TAB2: variants seen among roughly 807,000 people sequenced by gnomAD.
TAB2 encodes TGF-beta activated kinase 1 (MAP3K7) binding protein 2, also known as TGF-beta-activated kinase 1 and MAP3K7-binding protein 2.
In TAB2, 3 loss-of-function variants were observed where a neutral mutation model predicts 65.0. The observed-to-expected ratio is 0.05, with a 90% CI of 0.02 to 0.12. The LOEUF is 0.12. TAB2 is among the 10% of genes least tolerant of loss of function. The pLI is 1.00. For missense variants in TAB2, 623 were observed against 840.3 expected (o/e 0.74, Z 3.20); for synonymous variants, 298 against 285.1 (o/e 1.05, Z -0.46).
intron 1 of TAB2, among the ~76,000 whole-genome samples, chr6:149,231,580 G>A (rs935687126): frequency 6.6e-6 from 1 of 152,216 alleles, no homozygotes; most frequent in Non-Finnish European, 1.5e-5. Flanking sequence ...AATATTGACT[G>A]TCTTGGGAAA....
At chr6:149,315,873 C>A (rs1209476409), upstream of TAB2, among the ~76,000 whole-genome samples, 2 of 151,842 alleles carry the variant, frequency 1.3e-5, no homozygotes, top group African/African-American at 2.4e-5. Context: ...TTGACCTGCT[C>A]AAACCTATAA....
intron 1 of TAB2, among the ~76,000 whole-genome samples, chr6:149,357,820 C>T (rs1287734443): frequency 2.0e-5 from 3 of 152,084 alleles, no homozygotes; most frequent in African/African-American, 7.2e-5. Flanking sequence ...CTGTCTCAGC[C>T]TCCCAAGTAG....
rs1315061390 is a variant in TAB2 at position 149,397,707 on chromosome 6, AAAT to A, written c.1711_1713del (p.Asn571del). 1 of 1,614,100 alleles carries A rather than the reference AAAT, an allele frequency of 6.2e-7. No homozygotes were observed. Among genetic ancestry groups the A allele is most frequent in the Non-Finnish European group, 8.5e-7 (1 of 1,180,020 alleles). Reference sequence around the variant, plus strand: ...TAAAATCTGAGGTTAATGAAATGGAAAATAATCTAACTCGAAGGCGCCTGAAAA... The same window carrying A: ...TAAAATCTGAGGTTAATGAAATGGAAAATCTAACTCGAAGGCGCCTGAAAA... On this transcript the variant is annotated inframe_deletion, in exon 4 of 7. Transcript: ENST00000637181.
chr6:149,335,393 G>GTAT (rs1233909702), intron 1 of TAB2, among the ~76,000 whole-genome samples: 11 of 151,680 alleles, frequency 7.3e-5, no homozygotes, highest in African/African-American at 2.4e-4. Context: ...TTGAGACAGG[G>GTAT]TATTACTCTG....
chr6:149,299,901 T>C (rs1562405115), intron 1 of TAB2, among the ~76,000 whole-genome samples: 1 of 151,962 alleles, frequency 6.6e-6, no homozygotes, highest in Non-Finnish European at 1.5e-5. Flanking sequence ...CCAGCTACTC[T>C]GGAGGTTGAA....
Position 149,400,668 on chromosome 6 carries a change from G to A in TAB2, c.1939+1484G>A. 1 of 1,613,860 alleles carries A rather than the reference G, an allele frequency of 6.2e-7. No homozygotes were observed. The highest frequency in any genetic ancestry group is 8.5e-7 in the Non-Finnish European group (1 of 1,179,846). On this transcript the variant is annotated intron_variant, in intron 6 of 6. Transcript: ENST00000637181. ...TGATGTGTTTCAACAGCCTACGGGA[G>A]GTGTCTACTGAAAAGGGAACCTGCT...
chr6:149,383,825 C>T (rs1291412498), intron 3 of TAB2, among the ~76,000 whole-genome samples: 1 of 152,196 alleles, frequency 6.6e-6, no homozygotes, highest in Non-Finnish European at 1.5e-5. Flanking sequence ...TCAGGCAATC[C>T]GCCTGCCTCA....
intron 1 of TAB2, chr6:149,257,281 G>C (rs1367563016): frequency 6.6e-6 from 1 of 152,176 alleles, no homozygotes; most frequent in African/African-American, 2.4e-5. Context: ...AGGATCCACT[G>C]TCTTGGCAGC....
At chr6:149,341,844 C>CT (rs1378764749) in intron 1 of TAB2, among the ~76,000 whole-genome samples, 1 of 151,974 alleles carries the variant, frequency 6.6e-6, no homozygotes, top group Non-Finnish European at 1.5e-5. Context: ...GCAGAAAATT[C>CT]TATTTATTTT....
intron 1 of TAB2, among the ~76,000 whole-genome samples, chr6:149,226,064 A>G (rs1367468276): frequency 6.6e-6 from 1 of 152,092 alleles, no homozygotes; most frequent in Non-Finnish European, 1.5e-5. Context: ...GACAAAAGCG[A>G]TTCATAAAAG....
chr6:149,302,379 A>G (rs1001871084), intron 1 of TAB2, among the ~76,000 whole-genome samples: 2 of 152,196 alleles, frequency 1.3e-5, no homozygotes, highest in South Asian at 4.1e-4. Context: ...TGAAGCATAA[A>G]TATTTATTGA....
At chr6:149,320,501 ATTTTCCCAGTAAGGAAAATTTC>A (rs66781444) in intron 1 of TAB2, among the ~76,000 whole-genome samples, 65,955 of 151,474 alleles carry the variant, frequency 0.44, 14,962 homozygotes, top group Middle Eastern at 0.57. Flanking sequence ...TACATCCGTA[ATTTTCCCAGTAAGGAAAATTTC>A]TTTTCCCAAA....
intron 6 of TAB2, among the ~76,000 whole-genome samples, chr6:149,406,758 G>A (rs974968150): frequency 6.6e-6 from 1 of 151,916 alleles, no homozygotes. Context: ...CGCTGTTGTT[G>A]CCCAGGCTGG....
At chr6:149,268,416 T>C (rs1778302115) in intron 1 of TAB2, among the ~76,000 whole-genome samples, 1 of 152,196 alleles carries the variant, frequency 6.6e-6, no homozygotes, top group Admixed American at 6.5e-5. Context: ...CTAGGTAGAC[T>C]ACAGAAGAGG....
rs910140851 is a variant in TAB2, at chr6:149,295,122, C to T, written c.-121+76346C>T. On this transcript the variant is annotated intron_variant, in intron 1 of 1. Transcript: ENST00000606202. ...CATCTTGAGTGGAGGTTATGGTGGA[C>T]ACCTAAAACAGGGTCAAGATTCTCT... 3.9e-5 allele frequency among the ~76,000 whole-genome samples: 6 copies of T among 152,288 alleles called. No individual in the cohort carries two copies. In the East Asian group the frequency reaches 9.6e-4, roughly 24 times the overall value.
In TAB2 at chr6:149,378,873, G is replaced by A; in HGVS notation, c.958G>A (p.Gly320Arg). The change falls in exon 3 of 7, where the codon GGA becomes AGA. Residue 320 changes from glycine to arginine, a missense_variant. Physicochemically the swap from Gly to Arg is moderately radical, Grantham distance 125 (BLOSUM62 -2). Around this residue, in one of 3 missense-constraint regions of TAB2, gnomAD observed 550 missense variants for 665.7 expected, o/e 0.83. Transcript: ENST00000637181. ...ATATAACATTCAGAATATTTCAACA[G>A]GACCTCGAAAAAACCAGATTGAAAT... is the stretch of plus-strand genomic sequence containing the variant. ...SQYNIQNIST[G>R]PRKNQIEIKL... The A allele has an allele frequency of 6.2e-7, 1 of 1,614,006 alleles. No homozygotes were observed. Among genetic ancestry groups the A allele is most frequent in the Non-Finnish European group, 8.5e-7 (1 of 1,180,016 alleles).
chr6:149,225,736 G>C (rs562103752), intron 1 of TAB2, among the ~76,000 whole-genome samples: 80 of 152,230 alleles, frequency 5.3e-4, no homozygotes, highest in African/African-American at 1.8e-3. Context: ...GAGGCAGTCG[G>C]TGAAAAGCAG....
chr6:149,260,145 T>A (rs1208857923), intron 1 of TAB2, among the ~76,000 whole-genome samples: 1 of 152,172 alleles, frequency 6.6e-6, no homozygotes, highest in African/African-American at 2.4e-5. Flanking sequence ...TGGCCACTGT[T>A]CATTATCTTT....
chr6:149,394,500 T>C (rs376578968), intron 3 of TAB2, among the ~76,000 whole-genome samples: 2 of 152,330 alleles, frequency 1.3e-5, no homozygotes, highest in East Asian at 3.9e-4. Context: ...TAATTTTTTA[T>C]TGAATGCCAC....
Sources: allele counts gnomAD v4.1 joint callset (sites outside exome capture counted in the v4.1 genomes callset), GRCh38; gene constraint gnomAD v4.1.1; regional missense constraint gnomAD v4.1.1; transcripts MANE v1.5; gene names NCBI Gene and HGNC (gene_info 2026-07-23, HGNC 2026-07-21).